Variants in EIF4G3 observed in about 807,000 individuals in gnomAD.
EIF4G3 encodes the protein eukaryotic translation initiation factor 4 gamma 3.
A neutral mutation model predicts 186.4 loss-of-function variants in EIF4G3; 34 were observed. The observed-to-expected ratio is 0.18, with a 90% CI of 0.14 to 0.24. EIF4G3 has a LOEUF of 0.24. Among genes scored for constraint, EIF4G3 ranks in the 10% least tolerant of loss-of-function variants. The pLI, the probability that EIF4G3 is intolerant of heterozygous loss-of-function variation, is 1.00. For synonymous variants in EIF4G3, 673 were observed against 679.5 expected (o/e 0.99, Z 0.15); for missense variants, 1,536 against 1,948.5 (o/e 0.79, Z 3.99).
At position 21,070,751 on chromosome 1, in the gene EIF4G3, G is replaced by A. The variant is rs751757814; in HGVS notation, c.-196+18387C>T. 3.3e-5 allele frequency among the ~76,000 whole-genome samples: 5 copies of A among 152,176 alleles called. No homozygotes were observed. The East Asian group carries it at 9.6e-4, about 29-fold the overall frequency. ...TGGAACCACCCAAAAACTGAAGAGA[G>A]GGCAGTTTTAGAATATCAAAGGTAA... On this transcript the variant is annotated intron_variant, in intron 3 of 36. Transcript: ENST00000602326.
At chr1:21,125,575 C>T (rs2097016532) in intron 2 of EIF4G3, among the ~76,000 whole-genome samples, 1 of 151,704 alleles carries the variant, frequency 6.6e-6, no homozygotes, top group Non-Finnish European at 1.5e-5. Context: ...AAAAATTAGC[C>T]AGGCATGGTG....
At chr1:21,092,009 G>A (rs1457883096) in intron 2 of EIF4G3, among the ~76,000 whole-genome samples, 1 of 152,088 alleles carries the variant, frequency 6.6e-6, no homozygotes, top group Non-Finnish European at 1.5e-5. Context: ...GATTGCCCTG[G>A]CCAACTTCCA....
chr1:21,052,856 G>A (rs374380827), intron 3 of EIF4G3, among the ~76,000 whole-genome samples: 1 of 151,922 alleles, frequency 6.6e-6, no homozygotes, highest in Non-Finnish European at 1.5e-5. Context: ...GTGCCGGGAT[G>A]GCAGACGGAG....
chr1:21,130,546 C>T (rs951794980), intron 2 of EIF4G3, among the ~76,000 whole-genome samples: 2 of 151,974 alleles, frequency 1.3e-5, no homozygotes, highest in African/African-American at 4.8e-5. Flanking sequence ...CAATATCTCA[C>T]GGTAAAGGCC....
At chr1:20,846,353 C>A (rs543442790) in intron 29 of EIF4G3, among the ~76,000 whole-genome samples, 11 of 152,248 alleles carry the variant, frequency 7.2e-5, no homozygotes, top group Non-Finnish European at 1.5e-4. Context: ...TCTTGTCTTG[C>A]ACTGGTTTTC....
chr1:21,132,140 CA>C (rs2097164473), intron 2 of EIF4G3, among the ~76,000 whole-genome samples: 1 of 151,876 alleles, frequency 6.6e-6, no homozygotes, highest in South Asian at 2.1e-4. Context: ...TATTTTTATT[CA>C]AAACTCAATA....
chr1:21,062,122 G>C (rs76297243), intron 3 of EIF4G3, among the ~76,000 whole-genome samples: 1 of 151,802 alleles, frequency 6.6e-6, no homozygotes, highest in African/African-American at 2.4e-5. Flanking sequence ...ATAGTAGTGC[G>C]ATCATAGCCC....
chr1:20,991,490 C>A (rs1277436478), intron 7 of EIF4G3, among the ~76,000 whole-genome samples: 1 of 151,916 alleles, frequency 6.6e-6, no homozygotes, highest in Non-Finnish European at 1.5e-5. Context: ...ATCACTTGAA[C>A]CTGGGAGGAG....
Position 20,975,104 on chromosome 1 carries a change from C to T in EIF4G3, c.494-2005G>A, listed in dbSNP as rs543448757. Among the ~76,000 whole-genome samples, 25 of 152,026 alleles carry T rather than the reference C, an allele frequency of 1.6e-4. No homozygotes were observed. The South Asian group carries it at 5.2e-3, about 32-fold the overall frequency. Reference sequence around the variant, plus strand: ...GAATCAGATTTGGAAAAGATCTAAGCAGAGGGCATGACTATGATTTCAGTA... The same window carrying T: ...GAATCAGATTTGGAAAAGATCTAAGTAGAGGGCATGACTATGATTTCAGTA... On this transcript the variant is annotated intron_variant, in intron 10 of 36. Transcript: ENST00000602326.
At position 20,860,516 on chromosome 1, in the gene EIF4G3, C is replaced by G; in HGVS notation, c.3113G>C (p.Cys1038Ser). ...ATCTGCTCTTCGAGATACCCAATTGCACTATAAAAGCAGAAAATAAGGTTA... is the reference window on the plus strand; with the variant it reads ...ATCTGCTCTTCGAGATACCCAATTGGACTATAAAAGCAGAAAATAAGGTTA... Reference protein sequence around the residue: ...MLQDVIDLRLCNWVSRRADQG... With the variant: ...MLQDVIDLRLSNWVSRRADQG... Residue 1038 changes from cysteine to serine, a missense_variant and splice_region_variant, in exon 24 of 37, where the codon TGC becomes TCC. Coordinates refer to ENST00000602326, the MANE Select transcript of EIF4G3 (RefSeq NM_001391906.1). The G allele has an allele frequency of 6.2e-7, 1 of 1,613,022 alleles. No homozygotes were observed. The highest frequency in any genetic ancestry group is 8.5e-7 in the Non-Finnish European group (1 of 1,179,706).
At chr1:20,996,430 A>AC (rs1197729730) in intron 7 of EIF4G3, among the ~76,000 whole-genome samples, 2 of 152,110 alleles carry the variant, frequency 1.3e-5, no homozygotes, top group Non-Finnish European at 2.9e-5. Context: ...ATAGCCATCC[A>AC]CCCCATATAG....
intron 2 of EIF4G3, among the ~76,000 whole-genome samples, chr1:21,154,264 G>A (rs775144990): frequency 3.3e-5 from 5 of 152,012 alleles, no homozygotes; most frequent in African/African-American, 4.8e-5. Context: ...CTCAGACACA[G>A]GAAAAACTGC....
intron 4 of EIF4G3, among the ~76,000 whole-genome samples, chr1:21,020,937 C>CA (rs147006841): frequency 0.027 from 4,177 of 152,264 alleles, 88 homozygotes; most frequent in Non-Finnish European, 0.038. Flanking sequence ...ATTCCCACTA[C>CA]ATAAAGCATT....
intron 4 of EIF4G3, among the ~76,000 whole-genome samples, chr1:21,040,202 C>G (rs568316421): frequency 2.0e-5 from 3 of 152,266 alleles, no homozygotes; most frequent in African/African-American, 7.2e-5. Context: ...GGCTAAAGGT[C>G]AAGTTGATCA....
At chr1:20,890,437 G>A (rs1331479508) in intron 18 of EIF4G3, among the ~76,000 whole-genome samples, 1 of 151,696 alleles carries the variant, frequency 6.6e-6, no homozygotes, top group Non-Finnish European at 1.5e-5. Context: ...TTTCCAAACA[G>A]CATTATTTCT....
intron 14 of EIF4G3, among the ~76,000 whole-genome samples, chr1:20,918,184 T>C (rs2094118888): frequency 1.3e-5 from 2 of 152,178 alleles, no homozygotes; most frequent in Non-Finnish European, 2.9e-5. Context: ...TCATGGCTCA[T>C]ACAAATAATC....
chr1:21,001,741 A>G (rs901521370), intron 5 of EIF4G3, among the ~76,000 whole-genome samples: 3 of 152,232 alleles, frequency 2.0e-5, no homozygotes, highest in Non-Finnish European at 4.4e-5. Context: ...AGGGAAAAGG[A>G]AAATAGAAAA....
chr1:20,900,698 C>G (rs2090011006), intron 15 of EIF4G3, among the ~76,000 whole-genome samples: 1 of 152,068 alleles, frequency 6.6e-6, no homozygotes, highest in Non-Finnish European at 1.5e-5. Context: ...CTCCTTGAGG[C>G]AAAGTTCTCT....
chr1:20,820,092 G>A (rs942342468), intron 33 of EIF4G3, among the ~76,000 whole-genome samples: 17 of 151,942 alleles, frequency 1.1e-4, no homozygotes, highest in African/African-American at 3.9e-4. Flanking sequence ...CCATAGCTGC[G>A]GACCCAAGCC....
Sources: gnomAD v4.1 joint callset for allele counts (sites outside exome capture counted in the v4.1 genomes callset) on GRCh38, gnomAD v4.1.1 for gene constraint, MANE v1.5 for transcripts, NCBI Gene and HGNC (gene_info 2026-07-23, HGNC 2026-07-21) for gene names.